GLIS1: variants seen among roughly 807,000 people sequenced by gnomAD.
The protein encoded by GLIS1 is zinc finger protein GLIS1.
GLIS1 carries 24 observed loss-of-function variants against 63.8 expected under a neutral mutation model. That is an observed-to-expected ratio of 0.38 (90% CI 0.27 to 0.53). The LOEUF is 0.53. Ranked by LOEUF, GLIS1 falls within the 20% of genes least tolerant of loss-of-function variation. The pLI, the probability that GLIS1 is intolerant of heterozygous loss-of-function variation, is 0.85. For synonymous variants in GLIS1, 450 were observed against 482.5 expected, an observed-to-expected ratio of 0.93 and a Z score of 0.88; for missense variants, 1,036 against 1,074.1, an observed-to-expected ratio of 0.96 and a Z score of 0.50.
chr1:53,569,372 A>AG (rs1361859674), intron 4 of GLIS1, among the ~76,000 whole-genome samples: 2 of 152,208 alleles, frequency 1.3e-5, no homozygotes, highest in Admixed American at 1.3e-4. Context: ...AGATGTTGAT[A>AG]GCAGGGGAGG....
chr1:53,718,416 C>A (rs184345354), intron 2 of GLIS1, among the ~76,000 whole-genome samples: 92 of 151,864 alleles, frequency 6.1e-4, no homozygotes, highest in African/African-American at 2.2e-3. Context: ...TGGAGTATGG[C>A]GGCAAGCGGG....
At chr1:53,698,252 CCCCTCGGAACGCACT>C (rs1453700741) in intron 2 of GLIS1, among the ~76,000 whole-genome samples, 2 of 152,204 alleles carry the variant, frequency 1.3e-5, no homozygotes, top group Non-Finnish European at 2.9e-5. Context: ...CAGGCAACAT[CCCCTCGGAACGCACT>C]CCAGAGGATG....
intron 4 of GLIS1, among the ~76,000 whole-genome samples, chr1:53,555,455 G>A (rs549284654): frequency 3.3e-5 from 5 of 152,226 alleles, no homozygotes; most frequent in East Asian, 1.9e-4. Context: ...ACCTGAACCC[G>A]GGAGGCAGAG....
At chr1:53,737,557 A>G (rs2100587920) in intron 2 of GLIS1, among the ~76,000 whole-genome samples, 1 of 152,394 alleles carries the variant, frequency 6.6e-6, no homozygotes, top group Admixed American at 6.5e-5. Flanking sequence ...AGAAACACAC[A>G]GAAGCAAAAT....
intron 4 of GLIS1, among the ~76,000 whole-genome samples, chr1:53,571,698 T>C (rs1002922880): frequency 6.6e-6 from 1 of 152,086 alleles, no homozygotes; most frequent in Non-Finnish European, 1.5e-5. Context: ...TGCCTCAGCC[T>C]CCCAAGTAGC....
chr1:53,541,593 T>G (rs1047052367), intron 4 of GLIS1, among the ~76,000 whole-genome samples: 3 of 152,222 alleles, frequency 2.0e-5, no homozygotes, highest in Admixed American at 2.0e-4. Flanking sequence ...ACATCAGCCC[T>G]GCACACGCAC....
chr1:53,530,807 A>C (rs957062665), intron 4 of GLIS1, among the ~76,000 whole-genome samples: 4 of 152,204 alleles, frequency 2.6e-5, no homozygotes, highest in Non-Finnish European at 5.9e-5. Context: ...GCCTAGCGGA[A>C]GCAGCAGCCT....
chr1:53,525,412 T>C (rs1414403778), intron 5 of GLIS1, among the ~76,000 whole-genome samples: 1 of 2,606 alleles, frequency 3.8e-4, no homozygotes, highest in African/African-American at 2.4e-3. Flanking sequence ...CTCCTGCCAA[T>C]AGCTGTGAGA....
rs563407853 is a variant in GLIS1, at chr1:53,737,854, G to C, written c.211C>G (p.Arg71Gly). The C allele has an allele frequency of 7.5e-4, 920 of 1,231,128 alleles. 10 individuals carry two copies. The South Asian group carries it at 0.022, about 29-fold the overall frequency. 76.3% of individuals were successfully genotyped at this position (1,231,128 alleles called of 1,614,324 possible). Residue 71 changes from arginine (R) to glycine (G), a missense_variant, in exon 2 of 11, where the codon CGC becomes GGC. Physicochemically the swap from Arg to Gly is moderately radical, Grantham distance 125 (BLOSUM62 -2). Coordinates refer to ENST00000628545, the MANE Select transcript of GLIS1 (RefSeq NM_001367484.1). The stretch of plus-strand genomic sequence containing the variant: ...GATGGACCGTAGTCTCGGGGACTGC[G>C]GGGCCGGAGGAGGTCGTGGGCGCGC... ...PPRAHDLLRP[R>G]SPRDYGPSKA...
At chr1:53,576,120 T>C (rs367951332) in intron 4 of GLIS1, among the ~76,000 whole-genome samples, 10 of 151,948 alleles carry the variant, frequency 6.6e-5, no homozygotes, top group African/African-American at 2.4e-4. Flanking sequence ...TGGAGACGTG[T>C]ACCCCGGGTA....
At chr1:53,544,347 G>A (rs1644676555) in intron 4 of GLIS1, among the ~76,000 whole-genome samples, 2 of 152,296 alleles carry the variant, frequency 1.3e-5, no homozygotes, top group African/African-American at 2.4e-5. Context: ...AAGGTTGGGA[G>A]CCAGGGTGCA....
At chr1:53,672,093 T>G (rs1228595790) in intron 2 of GLIS1, among the ~76,000 whole-genome samples, 1 of 152,010 alleles carries the variant, frequency 6.6e-6, no homozygotes, top group East Asian at 1.9e-4. Flanking sequence ...GCCAACTGAG[T>G]CAAGGCCTGC....
chr1:53,660,581 C>T (rs756850583), intron 2 of GLIS1, among the ~76,000 whole-genome samples: 1 of 152,208 alleles, frequency 6.6e-6, no homozygotes, highest in Non-Finnish European at 1.5e-5. Flanking sequence ...ACGTGGACTA[C>T]AGTCCCCTTG....
intron 2 of GLIS1, among the ~76,000 whole-genome samples, chr1:53,623,918 G>T (rs545501686): frequency 9.9e-4 from 150 of 152,270 alleles, no homozygotes; most frequent in African/African-American, 3.5e-3. Context: ...TAAATGAGGA[G>T]AGATACTATG....
chr1:53,622,733 G>A (rs1482895332), intron 2 of GLIS1, among the ~76,000 whole-genome samples: 4 of 152,106 alleles, frequency 2.6e-5, no homozygotes, highest in Non-Finnish European at 5.9e-5. Context: ...GCCCAAAGAG[G>A]CAAAGATTCT....
At chr1:53,532,148 T>G (rs1367419059) in intron 4 of GLIS1, among the ~76,000 whole-genome samples, 1 of 152,050 alleles carries the variant, frequency 6.6e-6, no homozygotes, top group African/African-American at 2.4e-5. Flanking sequence ...GAGACACTTC[T>G]CCTAAAGAAG....
chr1:53,595,574 C>T (rs557054991), intron 3 of GLIS1, among the ~76,000 whole-genome samples: 5 of 152,248 alleles, frequency 3.3e-5, no homozygotes, highest in East Asian at 1.9e-4. Flanking sequence ...CTGGATGCCA[C>T]GCCATCCTGC....
At chr1:53,524,251 A>G (rs958376113) in intron 6 of GLIS1, among the ~76,000 whole-genome samples, 22 of 152,036 alleles carry the variant, frequency 1.4e-4, no homozygotes, top group African/African-American at 4.8e-4. Flanking sequence ...ACCCCTAAAC[A>G]CTGCACCCAT....
intron 5 of GLIS1, among the ~76,000 whole-genome samples, chr1:53,525,666 G>T (rs1463354476): frequency 1.3e-5 from 2 of 151,642 alleles, no homozygotes; most frequent in Admixed American, 1.3e-4. Flanking sequence ...ACAGCCAGAG[G>T]GGAAGGTCTT....
Sources: gnomAD v4.1 joint callset for allele counts (sites outside exome capture counted in the v4.1 genomes callset) on GRCh38, gnomAD v4.1.1 for gene constraint, MANE v1.5 for transcripts, NCBI Gene and HGNC (gene_info 2026-07-23, HGNC 2026-07-21) for gene names.